The following GMPS variants were observed in gnomAD, a reference collection of about 807,000 sequenced individuals.
GMPS encodes the protein guanosine monophosphate synthase, also known as GMP synthase [glutamine-hydrolyzing].
GMPS carries 15 observed loss-of-function variants against 77.9 expected under a neutral mutation model. The ratio of observed to expected loss-of-function variants is 0.19; its 90% CI spans 0.13 to 0.30. GMPS has a LOEUF of 0.30. GMPS is among the 10% of genes least tolerant of loss of function. GMPS has a pLI of 1.00. For missense variants in GMPS, 590 were observed against 838.8 expected (o/e 0.70, Z 3.66); for synonymous variants, 224 against 275.9 (o/e 0.81, Z 1.86).
At chr3:155,896,230 C>T (rs1447774654) in intron 2 of GMPS, among the ~76,000 whole-genome samples, 9 of 152,100 alleles carry the variant, frequency 5.9e-5, no homozygotes, top group South Asian at 2.1e-4. Flanking sequence ...AGGATGGTCT[C>T]GATCTCCTGA....
chr3:155,890,583 C>A (rs1193113165), intron 1 of GMPS, among the ~76,000 whole-genome samples: 1 of 152,194 alleles, frequency 6.6e-6, no homozygotes, highest in Non-Finnish European at 1.5e-5. Context: ...GTAGTTTAAA[C>A]AGCACTTCTC....
chr3:155,925,571 C>A (rs1264074632), intron 12 of GMPS, among the ~76,000 whole-genome samples: 1 of 151,854 alleles, frequency 6.6e-6, no homozygotes, highest in Non-Finnish European at 1.5e-5. Context: ...GTATATATAC[C>A]AAGTTTAGAG....
At chr3:155,913,686 A>G (rs1232954639) in intron 7 of GMPS, among the ~76,000 whole-genome samples, 1 of 151,752 alleles carries the variant, frequency 6.6e-6, no homozygotes, top group Admixed American at 6.6e-5. Flanking sequence ...ACGCCCCACT[A>G]ATTTTTGTGT....
rs370103476 is a variant in GMPS at position 155,926,946 on chromosome 3, G to A, written c.1560+1580G>A. Among the ~76,000 whole-genome samples, 10 of 151,938 alleles carry A rather than the reference G, an allele frequency of 6.6e-5. No homozygotes were observed. In the East Asian group the frequency reaches 9.6e-4, roughly 15 times the overall value. Reference sequence around the variant, plus strand: ...GGAGAATTGCTTGAACCCAGGAGGCGGAGGTTGCGGTGGGCCAAGATTGCG... The same window carrying A: ...GGAGAATTGCTTGAACCCAGGAGGCAGAGGTTGCGGTGGGCCAAGATTGCG... On this transcript the variant is annotated intron_variant, in intron 12 of 15. Coordinates refer to ENST00000496455, the MANE Select transcript of GMPS (RefSeq NM_003875.3).
intron 12 of GMPS, among the ~76,000 whole-genome samples, chr3:155,931,206 CAG>C (rs1234714087): frequency 6.7e-6 from 1 of 150,358 alleles, no homozygotes; most frequent in East Asian, 2.0e-4. Context: ...TTTTTTGAGA[CAG>C]AGTTTCACTC....
At chr3:155,878,208 G>A (rs1261387238) in intron 1 of GMPS, among the ~76,000 whole-genome samples, 1 of 152,126 alleles carries the variant, frequency 6.6e-6, no homozygotes, top group African/African-American at 2.4e-5. Flanking sequence ...ATTTTAGGGG[G>A]ACACAAACAT....
intron 7 of GMPS, 51 bp from the exon 8 acceptor site, chr3:155,914,368 G>C: frequency 2.3e-6 from 3 of 1,317,884 alleles, no homozygotes; most frequent in Non-Finnish European, 3.0e-6. Flanking sequence ...TGTTATTTTT[G>C]ATTAAAAAAC....
chr3:155,915,180 A>T (rs1471457635), intron 8 of GMPS, among the ~76,000 whole-genome samples: 2 of 151,058 alleles, frequency 1.3e-5, no homozygotes, highest in Non-Finnish European at 2.9e-5. Context: ...TAATTCATTG[A>T]TTATCTCAAT....
intron 7 of GMPS, among the ~76,000 whole-genome samples, chr3:155,913,120 T>C (rs934773370): frequency 6.6e-6 from 1 of 152,216 alleles, no homozygotes; most frequent in Non-Finnish European, 1.5e-5. Context: ...TCCCTCTTCC[T>C]ACCACTTCCT....
chr3:155,886,596 G>T (rs1470349435), intron 1 of GMPS, among the ~76,000 whole-genome samples: 1 of 128,952 alleles, frequency 7.8e-6, no homozygotes. Context: ...AATCTAGCAT[G>T]TCTATTCCTG....
chr3:155,909,844 A>G (rs1754983556), intron 5 of GMPS, among the ~76,000 whole-genome samples: 1 of 151,992 alleles, frequency 6.6e-6, no homozygotes, highest in African/African-American at 2.4e-5. Flanking sequence ...CAGGAGGCTG[A>G]GGTGGAAGGA....
intron 12 of GMPS, among the ~76,000 whole-genome samples, chr3:155,930,570 G>A (rs1755588077): frequency 6.6e-6 from 1 of 151,970 alleles, no homozygotes; most frequent in South Asian, 2.1e-4. Context: ...AGAGTGAACA[G>A]GCAACCTACA....
chr3:155,897,878 T>C, intron 2 of GMPS, 49 bp from the exon 3 acceptor site: 1 of 918,804 alleles, frequency 1.1e-6, no homozygotes, highest in Non-Finnish European at 1.8e-6. Context: ...GCATAGACCT[T>C]GTATAAAAAT....
intron 3 of GMPS, 34 bp downstream of exon 3, chr3:155,898,075 AT>A (rs1560041903): frequency 1.0e-6 from 1 of 999,318 alleles, no homozygotes; most frequent in South Asian, 1.3e-5. Flanking sequence ...AAGCTTACTT[AT>A]ATTTTATTCT....
chr3:155,882,289 A>G (rs1373440213), intron 1 of GMPS, among the ~76,000 whole-genome samples: 1 of 152,218 alleles, frequency 6.6e-6, no homozygotes, highest in Non-Finnish European at 1.5e-5. Flanking sequence ...GAAAATTGAA[A>G]ACATTTGCAT....
rs551989663 is a variant in GMPS, at chr3:155,916,089, G to A, written c.1109G>A (p.Arg370Gln). 5.0e-6 allele frequency: 8 copies of A among 1,612,818 alleles called. No individual in the cohort carries two copies. The highest frequency in any genetic ancestry group is 2.2e-5 in the East Asian group (1 of 44,884). The stretch of plus-strand genomic sequence containing the variant: ...GTTTTCCTTGCCCAAGGTACTTTAC[G>A]GCCTGATCTAATTGAAAGTGCATCC... ...EEVFLAQGTL[R>Q]PDLIESASLV... Residue 370 changes from arginine to glutamine, a missense_variant, in exon 9 of 16, where the codon CGG becomes CAG. Arg to Gln is a conservative substitution (Grantham distance 43). Around this residue, in one of 6 missense-constraint regions of GMPS, gnomAD observed 181 missense variants for 186.8 expected, o/e 0.97. Coordinates refer to ENST00000496455, the MANE Select transcript of GMPS (RefSeq NM_003875.3).
Position 155,903,955 on chromosome 3 carries a change from AT to A in GMPS, c.419del (p.Phe140SerfsTer18). Reference protein sequence around the residue: ...NISVDNTCSLFRGLQKEEVVL... With the variant: ...NISVDNTCSLXRGLQKEEVVL... ...TTAGTGTGGATAATACATGTTCATTATTCAGGTATTACATTTTTAGATGAAT... is the reference window on the plus strand; with the variant it reads ...TTAGTGTGGATAATACATGTTCATTATCAGGTATTACATTTTTAGATGAAT... On this transcript the variant is annotated frameshift_variant, in exon 4 of 16. Coordinates refer to ENST00000496455, the MANE Select transcript of GMPS (RefSeq NM_003875.3). LOFTEE classifies it high-confidence loss of function. The A allele has an allele frequency of 7.7e-7, 1 of 1,295,400 alleles. No homozygotes were observed. The highest frequency in any genetic ancestry group is 1.1e-6 in the Non-Finnish European group (1 of 926,204). The allele number at this position is 1,295,400 out of a possible 1,614,324, so 80.2% of individuals were successfully genotyped here. A position where few individuals can be genotyped will look rare whatever the true frequency, so the allele number is the denominator to read the frequency against.
intron 3 of GMPS, among the ~76,000 whole-genome samples, 159 bp downstream of exon 3, chr3:155,898,200 A>G (rs1284925238): frequency 6.6e-6 from 1 of 152,246 alleles, no homozygotes; most frequent in African/African-American, 2.4e-5. Flanking sequence ...CTAGTATGGC[A>G]GAACTGGCCT....
At chr3:155,936,258 T>C in intron 14 of GMPS, 80 bp from the exon 15 acceptor site, 1 of 847,628 alleles carries the variant, frequency 1.2e-6, no homozygotes. Flanking sequence ...TTTCAGATAT[T>C]GCCTGGGAGG....
Sources: allele counts gnomAD v4.1 joint callset (sites outside exome capture counted in the v4.1 genomes callset), GRCh38; gene constraint gnomAD v4.1.1; regional missense constraint gnomAD v4.1.1; transcripts MANE v1.5; gene names NCBI Gene and HGNC (gene_info 2026-07-23, HGNC 2026-07-21).